Variants in CCDC77 observed in about 807,000 individuals in gnomAD.
CCDC77 encodes the protein coiled-coil domain containing 77.
CCDC77 carries 56 observed loss-of-function variants against 66.8 expected under a neutral mutation model. That is an observed-to-expected ratio of 0.84 (90% CI 0.68 to 1.05). The LOEUF (loss-of-function observed/expected upper bound fraction) is 1.05, where lower values mean the gene tolerates loss of function less well. CCDC77 is among the 50% of genes least tolerant of loss of function. The pLI is 0.00. For missense variants in CCDC77, 570 were observed against 576.8 expected (o/e 0.99, Z 0.12); for synonymous variants, 196 against 195.2 (o/e 1.00, Z -0.03).
chr12:396,441 A>C (rs1418669431), intron 1 of CCDC77, among the ~76,000 whole-genome samples: 1 of 152,162 alleles, frequency 6.6e-6, no homozygotes, highest in Non-Finnish European at 1.5e-5. Flanking sequence ...AACTGTTTAA[A>C]TTGTATTAGG....
chr12:434,308 C>G (rs999054369), intron 9 of CCDC77, among the ~76,000 whole-genome samples: 2 of 151,686 alleles, frequency 1.3e-5, no homozygotes, highest in African/African-American at 4.8e-5. Context: ...TAAACATGCC[C>G]TTTCTGGGGT....
chr12:423,482 T>TTTG (rs1565572205), intron 5 of CCDC77, among the ~76,000 whole-genome samples: 26 of 33,904 alleles, frequency 7.7e-4, no homozygotes, highest in Non-Finnish European at 9.3e-4. Context: ...TTTTTGTGTT[T>TTTG]TTTTTTGTTT....
At chr12:415,833 C>T (rs944281865) in intron 4 of CCDC77, among the ~76,000 whole-genome samples, 2 of 128,448 alleles carry the variant, frequency 1.6e-5, no homozygotes, top group African/African-American at 6.3e-5. Flanking sequence ...GAGATGAAGT[C>T]TTGCTCTTGT....
At position 423,477 on chromosome 12, in the gene CCDC77, G is replaced by GTTTTTTTTT. The variant is rs1565572179; in HGVS notation, c.413+4842_413+4843insTTTTTTTTT. 3.9e-3 allele frequency among the ~76,000 whole-genome samples: 98 copies of GTTTTTTTTT among 24,954 alleles called. 6 individuals carry two copies. The highest frequency in any genetic ancestry group is 8.1e-3 in the African/African-American group (84 of 10,372). The allele number at this position is 24,954 out of a possible 152,430, so 16.4% of individuals were successfully genotyped here. The stretch of plus-strand genomic sequence containing the variant: ...TTTCTGGGTGTTTTTTGTGTTTTTT[G>GTTTTTTTTT]TGTTTTTTTTTGTTTTGTTTTTTTT... On this transcript the variant is annotated intron_variant, in intron 5 of 12. Transcript: ENST00000239830.
At chr12:413,969 G>A (rs1348333337) in intron 4 of CCDC77, among the ~76,000 whole-genome samples, 1 of 151,596 alleles carries the variant, frequency 6.6e-6, no homozygotes, top group East Asian at 1.9e-4. Context: ...TCCTTGCCAT[G>A]CCACTAAAAC....
chr12:429,348 ATG>A (rs1046367355), intron 6 of CCDC77, among the ~76,000 whole-genome samples: 195 of 151,996 alleles, frequency 1.3e-3, no homozygotes, highest in African/African-American at 4.5e-3. Context: ...AGAAATAGTT[ATG>A]TGTCTGTGTA....
intron 4 of CCDC77, among the ~76,000 whole-genome samples, chr12:412,474 C>T (rs1405436710): frequency 3.3e-5 from 5 of 152,224 alleles, no homozygotes; most frequent in African/African-American, 9.6e-5. Flanking sequence ...TTCTTAACCT[C>T]GGCATTATTG....
At chr12:441,105 A>G in intron 12 of CCDC77, 109 bp downstream of exon 12, 2 of 1,147,546 alleles carry the variant, frequency 1.7e-6, no homozygotes, top group South Asian at 2.8e-5. Context: ...GCTGGTAAAC[A>G]CTAACAGATC....
intron 1 of CCDC77, among the ~76,000 whole-genome samples, chr12:403,854 G>A (rs193070846): frequency 6.6e-6 from 1 of 152,182 alleles, no homozygotes; most frequent in South Asian, 2.1e-4. Flanking sequence ...GCAGTGGCAC[G>A]ATCACTGCTC....
At chr12:396,093 A>T (rs143087182) in intron 1 of CCDC77, among the ~76,000 whole-genome samples, 1,645 of 152,292 alleles carry the variant, frequency 0.011, 15 homozygotes, top group Middle Eastern at 0.027. Flanking sequence ...TTTGAAATTT[A>T]AAAAAGTCAA....
chr12:404,767 G>A (rs1253412618), intron 1 of CCDC77, among the ~76,000 whole-genome samples: 1 of 148,762 alleles, frequency 6.7e-6, no homozygotes, highest in African/African-American at 2.5e-5. Context: ...TTGTTGCCCA[G>A]GCTGGAGTGT....
chr12:400,901 C>T (rs1002946357), upstream of CCDC77, among the ~76,000 whole-genome samples: 1 of 152,066 alleles, frequency 6.6e-6, no homozygotes. Flanking sequence ...ACCTGGGAAG[C>T]GCAATAAAGG....
chr12:413,335 C>CAA (rs1945152724), intron 4 of CCDC77, among the ~76,000 whole-genome samples: 1 of 151,254 alleles, frequency 6.6e-6, no homozygotes, highest in Non-Finnish European at 1.5e-5. Flanking sequence ...CTCCCGGGTT[C>CAA]ACGCCATTCT....
chr12:393,169 G>A (rs1232950398), intron 1 of CCDC77, among the ~76,000 whole-genome samples: 1 of 152,138 alleles, frequency 6.6e-6, no homozygotes, highest in Non-Finnish European at 1.5e-5. Context: ...CCCAGTTGGA[G>A]TGCAGTGGCA....
intron 5 of CCDC77, among the ~76,000 whole-genome samples, chr12:424,015 G>C (rs1399739652): frequency 6.6e-6 from 1 of 152,172 alleles, no homozygotes; most frequent in Non-Finnish European, 1.5e-5. Flanking sequence ...GTCTTGCTCT[G>C]TCGCCCAGGC....
intron 1 of CCDC77, among the ~76,000 whole-genome samples, chr12:393,537 CTT>C (rs34776919): frequency 8.9e-4 from 128 of 144,050 alleles, no homozygotes; most frequent in East Asian, 1.2e-3. Context: ...CAATCTTGTC[CTT>C]TTTTTTTTTT....
In CCDC77 at chr12:418,560, G is replaced by A. The variant is rs372327136; in HGVS notation, c.337G>A (p.Asp113Asn). ...EIAELQKALS[D>N]MQVCLFQERE... ...TGCTGAATTGCAGAAAGCTCTAAGTGATATGCAGGTCTGCCTCTTCCAGGA... is the reference window on the plus strand; with the variant it reads ...TGCTGAATTGCAGAAAGCTCTAAGTAATATGCAGGTCTGCCTCTTCCAGGA... Residue 113 changes from aspartate to asparagine, a missense_variant, in exon 5 of 13, where the codon GAT (aspartate) becomes AAT (asparagine). Physicochemically the swap from Asp to Asn is conservative, Grantham distance 23. Coordinates refer to ENST00000239830, the MANE Select transcript of CCDC77 (RefSeq NM_032358.4). 1.4e-5 allele frequency: 23 copies of A among 1,613,644 alleles called. No homozygotes were observed. Among genetic ancestry groups the A allele is most frequent in the Middle Eastern group, 1.6e-4 (1 of 6,084 alleles).
intron 1 of CCDC77, chr12:389,674 C>A (rs552544865): frequency 1.2e-5 from 2 of 168,536 alleles, no homozygotes; most frequent in Non-Finnish European, 2.6e-5. Context: ...TGAGGAGGGT[C>A]CCTTTCCCTT....
At chr12:405,081 A>G (rs1280080458) in intron 1 of CCDC77, among the ~76,000 whole-genome samples, 1 of 152,254 alleles carries the variant, frequency 6.6e-6, no homozygotes, top group Non-Finnish European at 1.5e-5. Context: ...GTTGTCACCC[A>G]TATCCGTACA....
Sources: gnomAD v4.1 joint callset for allele counts (sites outside exome capture counted in the v4.1 genomes callset) on GRCh38, gnomAD v4.1.1 for gene constraint, MANE v1.5 for transcripts, NCBI Gene and HGNC (gene_info 2026-07-23, HGNC 2026-07-21) for gene names.